MOK: variants seen among roughly 807,000 people sequenced by gnomAD.
MOK encodes the protein MAPK/MAK/MRK overlapping kinase.
A neutral mutation model predicts 54.2 loss-of-function variants in MOK; 59 were observed. The observed-to-expected ratio is 1.09, with a 90% CI of 0.88 to 1.35. The LOEUF (loss-of-function observed/expected upper bound fraction) is 1.35, where lower values mean the gene tolerates loss of function less well. MOK is among the 40% of genes most tolerant of loss of function. MOK has a pLI of 0.00. For missense variants in MOK, 517 were observed against 526.2 expected, an observed-to-expected ratio of 0.98 and a Z score of 0.17; for synonymous variants, 210 against 202.7, an observed-to-expected ratio of 1.04 and a Z score of -0.31.
At chr14:102,290,963 C>G (rs1772049402) in intron 1 of MOK, among the ~76,000 whole-genome samples, 1 of 152,142 alleles carries the variant, frequency 6.6e-6, no homozygotes. Context: ...CGAAGATCTT[C>G]AAACTATGCT....
chr14:102,273,684 C>T, intron 2 of MOK, among the ~76,000 whole-genome samples: 1 of 152,034 alleles, frequency 6.6e-6, no homozygotes. Context: ...CAGGCTGAGG[C>T]AGGAGAATCT....
At chr14:102,294,314 T>C (rs1004977685) in intron 1 of MOK, among the ~76,000 whole-genome samples, 20 of 151,900 alleles carry the variant, frequency 1.3e-4, no homozygotes, top group Non-Finnish European at 2.4e-4. Context: ...GGCGTGGTGG[T>C]GGGCACGTGT....
rs1052340456 is a variant in MOK, at chr14:102,235,997, G to A, written c.591-2208C>T. 3.9e-5 allele frequency among the ~76,000 whole-genome samples: 6 copies of A among 152,178 alleles called. No individual in the cohort carries two copies. The highest frequency in any genetic ancestry group is 1.4e-4 in the African/African-American group (6 of 41,446). ...AGACCCGATAGCAGCAACCCTCCGG[G>A]CCTTGTTTTAAGTGTGGCAAAGAAG... On this transcript the variant is annotated intron_variant, in intron 7 of 11. Coordinates refer to ENST00000361847, the MANE Select transcript of MOK (RefSeq NM_014226.3). The surrounding 1 kb of genome is among the most constrained non-coding windows in gnomAD (Gnocchi z 4.4).
intron 4 of MOK, among the ~76,000 whole-genome samples, chr14:102,253,133 C>T (rs1383666235): frequency 3.3e-5 from 5 of 152,174 alleles, no homozygotes; most frequent in Middle Eastern, 3.2e-3. Flanking sequence ...AATTAATAAA[C>T]AATAAACGTT....
intron 3 of MOK, chr14:102,264,582 G>C (rs954360184): frequency 6.6e-5 from 10 of 152,276 alleles, no homozygotes; most frequent in African/African-American, 2.4e-4. Context: ...ATTCTGGACA[G>C]AGTACTTTGT....
chr14:102,217,129 A>G, the MOK span, among the ~76,000 whole-genome samples: 3 of 152,054 alleles, frequency 2.0e-5, no homozygotes, highest in Non-Finnish European at 4.4e-5. Context: ...CTTTGAAGTT[A>G]CTCAAGCTAG....
intron 7 of MOK, among the ~76,000 whole-genome samples, chr14:102,241,070 C>T (rs775257712): frequency 2.4e-4 from 36 of 152,104 alleles, no homozygotes; most frequent in Non-Finnish European, 4.0e-4. Context: ...TGATTTTTGT[C>T]GAAAAATGGG....
the MOK span, among the ~76,000 whole-genome samples, chr14:102,216,554 C>T: frequency 6.6e-6 from 1 of 152,176 alleles, no homozygotes; most frequent in Admixed American, 6.5e-5. Context: ...ATTAAGTTGA[C>T]AGCAAGTTTT....
intron 7 of MOK, 121 bp downstream of exon 7, chr14:102,250,690 AC>A: frequency 9.8e-7 from 1 of 1,016,664 alleles, no homozygotes; most frequent in African/African-American, 1.6e-5. Context: ...TAAATTAAAA[AC>A]AGTAAAACAG....
chr14:102,218,439 G>A, the MOK span, among the ~76,000 whole-genome samples: 12 of 152,208 alleles, frequency 7.9e-5, no homozygotes, highest in African/African-American at 2.9e-4. Context: ...TTTCTCTGAC[G>A]TGGCCTGTGG....
At chr14:102,279,927 G>T (rs2069243201) in intron 2 of MOK, among the ~76,000 whole-genome samples, 1 of 151,948 alleles carries the variant, frequency 6.6e-6, no homozygotes, top group Non-Finnish European at 1.5e-5. Context: ...ATACTGGAGG[G>T]GGTAGGGGTC....
chr14:102,246,699 G>A (rs1334509898), intron 7 of MOK, among the ~76,000 whole-genome samples: 4 of 151,088 alleles, frequency 2.6e-5, no homozygotes, highest in Admixed American at 2.0e-4. Flanking sequence ...GTTAGCTAGC[G>A]AGTTCGGTCC....
intron 4 of MOK, among the ~76,000 whole-genome samples, chr14:102,258,078 A>G (rs1227687542): frequency 2.0e-5 from 3 of 152,190 alleles, no homozygotes; most frequent in Admixed American, 1.3e-4. Context: ...CATTTTTACT[A>G]TATTTTACAA....
intron 1 of MOK, among the ~76,000 whole-genome samples, chr14:102,291,972 T>C (rs2070805535): frequency 1.4e-5 from 2 of 144,298 alleles, no homozygotes; most frequent in Non-Finnish European, 3.0e-5. Flanking sequence ...AAAAAAAAAC[T>C]AACAATAATA....
At position 102,249,098 on chromosome 14, in the gene MOK, C is replaced by T. The variant is rs1325963090; in HGVS notation, c.590+1714G>A. ...GAGGAACTCAGCCTGGCGTGTGCAG[C>T]GACCTTAGCTGCTGGGAGGCTCCAC... On this transcript the variant is annotated intron_variant, in intron 7 of 11. Transcript: ENST00000361847. The surrounding 1 kb of genome is among the most constrained non-coding windows in gnomAD (Gnocchi z 5.3). Among the ~76,000 whole-genome samples the T allele has an allele frequency of 6.6e-6, 1 of 152,038 alleles. No individual in the cohort carries two copies.
At chr14:102,290,143 G>GA (rs376178602) in intron 1 of MOK, among the ~76,000 whole-genome samples, 122,061 of 142,334 alleles carry the variant, frequency 0.86, 52,707 homozygotes, top group South Asian at 0.93. Flanking sequence ...TACACTTAGA[G>GA]AAAAAAAAAA....
At chr14:102,266,194 C>T (rs560746701) in intron 2 of MOK, among the ~76,000 whole-genome samples, 2 of 152,066 alleles carry the variant, frequency 1.3e-5, no homozygotes, top group African/African-American at 2.4e-5. Flanking sequence ...TAAAAGTAGA[C>T]ATTAAAACTT....
chr14:102,274,003 G>A (rs149106522), intron 2 of MOK, among the ~76,000 whole-genome samples: 1,969 of 151,752 alleles, frequency 0.013, 32 homozygotes, highest in Admixed American at 0.035. Flanking sequence ...TGTCGCCCAG[G>A]CTGGAGTGCA....
Position 102,249,437 on chromosome 14 carries a change from C to T in MOK, c.590+1375G>A, listed in dbSNP as rs1046235630. On this transcript the variant is annotated intron_variant, in intron 7 of 11. Coordinates refer to ENST00000361847, the MANE Select transcript of MOK (RefSeq NM_014226.3). The surrounding 1 kb of genome is among the most constrained non-coding windows in gnomAD (Gnocchi z 5.3). ...CAAGATTTTAAACCTGTGCTGGGCG[C>T]GGTGGCTCATGCCTGTAATCCCAGC... Among the ~76,000 whole-genome samples, 5 of 152,280 alleles carry T rather than the reference C, an allele frequency of 3.3e-5. No individual in the cohort carries two copies. The highest frequency in any genetic ancestry group is 3.3e-4 in the Admixed American group (5 of 15,308).
Sources: allele counts gnomAD v4.1 joint callset (sites outside exome capture counted in the v4.1 genomes callset), GRCh38; gene constraint gnomAD v4.1.1; non-coding constraint Gnocchi (gnomAD v3.1); transcripts MANE v1.5; gene names NCBI Gene and HGNC (gene_info 2026-07-23, HGNC 2026-07-21).